LIX1: variants seen among roughly 807,000 people sequenced by gnomAD.
LIX1 encodes the protein protein limb expression 1 homolog.
LIX1 carries 24 observed loss-of-function variants against 33.4 expected under a neutral mutation model. That is an observed-to-expected ratio of 0.72 (90% confidence interval 0.52 to 1.01). LIX1 has a LOEUF of 1.01. Among genes scored for constraint, LIX1 ranks in the 50% least tolerant of loss-of-function variants. LIX1 has a pLI of 0.00. For synonymous variants in LIX1, 124 were observed against 124.0 expected (o/e 1.00, Z 0.00); for missense variants, 311 against 339.2 (o/e 0.92, Z 0.65).
Position 97,094,812 on chromosome 5 carries a change from T to C in LIX1, c.785A>G (p.Asp262Gly). 2.5e-6 allele frequency: 4 copies of C among 1,614,156 alleles called. No homozygotes were observed. The highest frequency in any genetic ancestry group is 2.5e-6 in the Non-Finnish European group (3 of 1,180,016). The change falls in exon 6 of 6, where the codon GAC (aspartate) becomes GGC (glycine). Residue 262 changes from aspartate to glycine, a missense_variant. Coordinates refer to ENST00000274382, the MANE Select transcript of LIX1 (RefSeq NM_153234.5). ...ATCACTGGGTGAGGAAGTGTCAGGGTCACTGCAGATCTGAGTCAGGGCTAA... is the reference window on the plus strand; with the variant it reads ...ATCACTGGGTGAGGAAGTGTCAGGGCCACTGCAGATCTGAGTCAGGGCTAA... ...LSLALTQICS[D>G]PDTSSPSDDQ... is the part of the protein sequence containing the mutation.
intron 4 of LIX1, among the ~76,000 whole-genome samples, chr5:97,100,340 A>C (rs922966478): frequency 6.6e-6 from 1 of 152,078 alleles, no homozygotes; most frequent in Non-Finnish European, 1.5e-5. Context: ...ATCACGAAGC[A>C]GCTTTTTTTT....
chr5:97,142,437 T>A, intron 1 of LIX1, 58 bp downstream of exon 1: 1 of 1,177,444 alleles, frequency 8.5e-7, no homozygotes, highest in Non-Finnish European at 1.3e-6. Context: ...AGGATGTGAC[T>A]TGACGTTTAG....
intron 4 of LIX1, among the ~76,000 whole-genome samples, chr5:97,103,485 C>T (rs999424658): frequency 2.6e-5 from 4 of 152,120 alleles, no homozygotes; most frequent in East Asian, 1.9e-4. Context: ...TACATACAAA[C>T]GAGGAAGTAG....
chr5:97,127,249 G>C (rs1747948736), intron 1 of LIX1, among the ~76,000 whole-genome samples: 1 of 152,176 alleles, frequency 6.6e-6, no homozygotes, highest in South Asian at 2.1e-4. Context: ...AGGAAGTTGA[G>C]GACCCATGAT....
intron 4 of LIX1, 73 bp downstream of exon 4, chr5:97,105,117 G>T: frequency 7.7e-7 from 1 of 1,291,766 alleles, no homozygotes; most frequent in Non-Finnish European, 1.1e-6. Flanking sequence ...GGAGATGTTA[G>T]TGATAAATGT....
chr5:97,105,113 G>A (rs892854336), intron 4 of LIX1, 77 bp downstream of exon 4: 4 of 1,259,340 alleles, frequency 3.2e-6, no homozygotes, highest in South Asian at 2.4e-5. Flanking sequence ...GTCGGGAGAT[G>A]TTAGTGATAA....
chr5:97,139,561 T>C (rs1053695489), intron 1 of LIX1, among the ~76,000 whole-genome samples: 11 of 152,190 alleles, frequency 7.2e-5, no homozygotes, highest in Non-Finnish European at 1.5e-4. Flanking sequence ...TGAAACGAAA[T>C]TGGATATTGC....
intron 2 of LIX1, among the ~76,000 whole-genome samples, chr5:97,118,137 G>A (rs917360045): frequency 2.0e-5 from 3 of 152,080 alleles, no homozygotes; most frequent in African/African-American, 7.2e-5. Context: ...CAAATAGATC[G>A]AGCTATCACA....
chr5:97,137,869 T>A (rs1432043812), intron 1 of LIX1, among the ~76,000 whole-genome samples: 2 of 152,156 alleles, frequency 1.3e-5, no homozygotes, highest in Admixed American at 6.5e-5. Flanking sequence ...TTTATTGATT[T>A]CACATAACTG....
chr5:97,114,670 T>G (rs970280541), intron 2 of LIX1, among the ~76,000 whole-genome samples: 3 of 152,116 alleles, frequency 2.0e-5, no homozygotes, highest in African/African-American at 7.2e-5. Context: ...GATTTGCGGG[T>G]GATTCTGACA....
chr5:97,114,804 C>T (rs1165794696), intron 2 of LIX1, among the ~76,000 whole-genome samples: 1 of 152,032 alleles, frequency 6.6e-6, no homozygotes, highest in Non-Finnish European at 1.5e-5. Context: ...ATTTGGGGGC[C>T]CTTGTTTAAG....
Position 97,094,877 on chromosome 5 carries a change from T to C in LIX1, c.720A>G (p.Gln240=). The change falls in exon 6 of 6, where the codon CAA becomes CAG. Residue 240 remains glutamine, a synonymous_variant. Coordinates refer to ENST00000274382, the MANE Select transcript of LIX1 (RefSeq NM_153234.5). ...RQLEEARKAG[Q]ELRFYKEKKE... is the part of the protein sequence containing the mutation. ...TCTTTTCTTTGTAAAACCGTAGTTC[T>C]TGTCCTGCTTTCCTGGCTTCCTCCA... The C allele has an allele frequency of 6.2e-7, 1 of 1,614,212 alleles. No homozygotes were observed. Among genetic ancestry groups the C allele is most frequent in the Non-Finnish European group, 8.5e-7 (1 of 1,180,032 alleles).
At chr5:97,139,557 G>A (rs1022892545) in intron 1 of LIX1, among the ~76,000 whole-genome samples, 15 of 152,346 alleles carry the variant, frequency 9.8e-5, no homozygotes, top group African/African-American at 3.6e-4. Context: ...CACATGAAAC[G>A]AAATTGGATA....
intron 2 of LIX1, 67 bp from the exon 3 acceptor site, chr5:97,107,567 A>C (rs1254507812): frequency 1.3e-6 from 2 of 1,510,362 alleles, no homozygotes; most frequent in Admixed American, 1.7e-5. Flanking sequence ...CTCCTGCATC[A>C]ATGGGTCTCT....
At chr5:97,115,896 A>G (rs1383699291) in intron 2 of LIX1, among the ~76,000 whole-genome samples, 1 of 152,212 alleles carries the variant, frequency 6.6e-6, no homozygotes, top group Non-Finnish European at 1.5e-5. Flanking sequence ...TCAATAGCAC[A>G]TGGTACCCAA....
At chr5:97,104,261 T>C (rs1746894098) in intron 4 of LIX1, among the ~76,000 whole-genome samples, 1 of 152,168 alleles carries the variant, frequency 6.6e-6, no homozygotes, top group Non-Finnish European at 1.5e-5. Flanking sequence ...CTTCTTGGAA[T>C]ATAACCTAAG....
At chr5:97,132,234 G>A (rs1748072547) in intron 1 of LIX1, among the ~76,000 whole-genome samples, 1 of 152,190 alleles carries the variant, frequency 6.6e-6, no homozygotes, top group Non-Finnish European at 1.5e-5. Flanking sequence ...TGCCCACGGA[G>A]ATTTACAATC....
rs1746247193 is a variant in LIX1 at position 97,094,599 on chromosome 5, TCA to T, written c.*147_*148del. On this transcript the variant is annotated 3_prime_UTR_variant, in exon 6 of 6. Transcript: ENST00000274382. Reference sequence around the variant, plus strand: ...GGGTCTTGTAAGGGTCCTACGACTCTCATACTCTGTAAATGGAATGTGTGGAG... The same window carrying T: ...GGGTCTTGTAAGGGTCCTACGACTCTTACTCTGTAAATGGAATGTGTGGAG... 2.9e-6 allele frequency: 2 copies of T among 696,116 alleles called. No individual in the cohort carries two copies. The allele number at this position is 696,116 out of a possible 1,614,324, so 43.1% of individuals were successfully genotyped here.
In LIX1 at chr5:97,096,822, CT is replaced by C. The variant is rs1249845016; in HGVS notation, c.548del (p.Lys183SerfsTer16). The C allele has an allele frequency of 8.1e-6, 13 of 1,613,244 alleles. No individual in the cohort carries two copies. Among genetic ancestry groups the C allele is most frequent in the Non-Finnish European group, 1.1e-5 (13 of 1,179,314 alleles). ...TAGAAAATCTTACCTGTCGGGAACA[CT>C]TTGTTTCACGAAGGGCTTTTAGGCT... ...NGSLKALRET[K>X]CSRQEVISYY... is the part of the protein sequence containing the mutation. On this transcript the variant is annotated frameshift_variant, in exon 5 of 6. Coordinates refer to ENST00000274382, the MANE Select transcript of LIX1 (RefSeq NM_153234.5). LOFTEE classifies it high-confidence loss of function.
Sources: allele counts gnomAD v4.1 joint callset (sites outside exome capture counted in the v4.1 genomes callset), GRCh38; gene constraint gnomAD v4.1.1; transcripts MANE v1.5; gene names NCBI Gene and HGNC (gene_info 2026-07-23, HGNC 2026-07-21).